Variants in JCHAIN observed in about 807,000 individuals in gnomAD.
JCHAIN encodes the protein joining chain of multimeric IgA and IgM, also known as immunoglobulin J chain.
JCHAIN carries 5 observed loss-of-function variants against 11.1 expected under a neutral mutation model. The ratio of observed to expected loss-of-function variants is 0.45; its 90% CI spans 0.24 to 0.95. JCHAIN has a LOEUF of 0.95. JCHAIN is among the 40% of genes least tolerant of loss of function. The probability of loss-of-function intolerance (pLI) is 0.21; values close to 1 mark genes in which losing one functional copy is unlikely to be tolerated. For synonymous variants in JCHAIN, 51 were observed against 67.8 expected (o/e 0.75, Z 1.22); for missense variants, 165 against 192.7 (o/e 0.86, Z 0.85).
intron 2 of JCHAIN, among the ~76,000 whole-genome samples, chr4:70,659,198 A>G (rs1452091848): frequency 6.6e-6 from 1 of 152,178 alleles, no homozygotes; most frequent in African/African-American, 2.4e-5. Flanking sequence ...GAAAAAGGCT[A>G]GTTAAGTAAC....
In JCHAIN at chr4:70,656,116, T is replaced by TA; in HGVS notation, c.*212dup. 1 of 517,016 alleles carries TA rather than the reference T, an allele frequency of 1.9e-6. No individual in the cohort carries two copies. The highest frequency in any genetic ancestry group is 3.4e-6 in the Non-Finnish European group (1 of 293,794). The allele number at this position is 517,016 out of a possible 1,614,324, so 32.0% of individuals were successfully genotyped here. On this transcript the variant is annotated 3_prime_UTR_variant, in exon 4 of 4. Coordinates refer to ENST00000254801, the MANE Select transcript of JCHAIN (RefSeq NM_144646.4). ...ATGATAATTGGAAGATTTTGATACT[T>TA]AGAGTATGAACATATAATTAAGAAG... is the stretch of plus-strand genomic sequence containing the variant.
Position 70,656,228 on chromosome 4 carries a change from A to T in JCHAIN, c.*101T>A. ...TTTACATCACCCAAAAAAAAAAAAA[A>T]GCCCTGGTTTCAAATTCATTGGTAA... On this transcript the variant is annotated 3_prime_UTR_variant, in exon 4 of 4. Coordinates refer to ENST00000254801, the MANE Select transcript of JCHAIN (RefSeq NM_144646.4). The T allele has an allele frequency of 2.6e-6, 2 of 780,672 alleles. No homozygotes were observed. The highest frequency in any genetic ancestry group is 1.9e-5 in the South Asian group (1 of 52,134). The allele number at this position is 780,672 out of a possible 1,614,324, so 48.4% of individuals were successfully genotyped here.
chr4:70,658,234 C>T (rs1738992998), intron 2 of JCHAIN, among the ~76,000 whole-genome samples: 1 of 152,158 alleles, frequency 6.6e-6, no homozygotes, highest in South Asian at 2.1e-4. Flanking sequence ...CACCACTATC[C>T]TCTCCTAGAT....
Position 70,662,017 on chromosome 4 carries a change from C to CAA in JCHAIN, c.188+74_188+75insTT, listed in dbSNP as rs1467296050. The CAA allele has an allele frequency of 4.2e-6, 6 of 1,414,114 alleles. No individual in the cohort carries two copies. In the African/African-American group the frequency reaches 8.5e-5, roughly 20 times the overall value. 87.6% of individuals were successfully genotyped at this position (1,414,114 alleles called of 1,614,324 possible). On this transcript the variant is annotated intron_variant, in intron 2 of 3. Transcript: ENST00000254801. ...AAGGGGAGTAAAGAGGCAGGTGTTA[C>CAA]ATTCAAACAATGCTCAGTGTCAGAA...
chr4:70,663,354 C>A, intron 1 of JCHAIN: 1 of 151,662 alleles, frequency 6.6e-6, no homozygotes, highest in East Asian at 2.0e-4. Flanking sequence ...TCACACCTGG[C>A]TAGATCTTTG....
At chr4:70,656,743 T>C (rs1738956775) in intron 3 of JCHAIN, among the ~76,000 whole-genome samples, 1 of 152,166 alleles carries the variant, frequency 6.6e-6, no homozygotes, top group African/African-American at 2.4e-5. Flanking sequence ...AAGTAAGCAA[T>C]ATAATTAATG....
intron 2 of JCHAIN, among the ~76,000 whole-genome samples, chr4:70,658,822 A>G (rs73824831): frequency 1.3e-4 from 20 of 152,342 alleles, no homozygotes; most frequent in African/African-American, 4.6e-4. Flanking sequence ...CAGTACTCCT[A>G]TAACAACCCA....
intron 3 of JCHAIN, 146 bp downstream of exon 3, chr4:70,657,065 T>C (rs1404216438): frequency 1.1e-5 from 5 of 456,494 alleles, no homozygotes; most frequent in African/African-American, 7.8e-5. Context: ...ATAATTAACA[T>C]AGGAATTAAT....
intron 2 of JCHAIN, 27 bp downstream of exon 2, chr4:70,662,065 A>T: frequency 6.2e-7 from 1 of 1,610,808 alleles, no homozygotes; most frequent in Non-Finnish European, 8.5e-7. Context: ...TAGAACAGGA[A>T]AAAAAGGAAT....
rs755812286 is a variant in JCHAIN, at chr4:70,656,497, C to A, written c.312G>T (p.Gln104His). The A allele has an allele frequency of 3.1e-6, 5 of 1,613,724 alleles. No homozygotes were observed. Among genetic ancestry groups the A allele is most frequent in the Non-Finnish European group, 4.2e-6 (5 of 1,179,854 alleles). ...TATTGCTCTGGGTAGCAGTAACTAT[C>A]TGATTATCCAGCTCCACTTCTGTAG... ...CDPTEVELDN[Q>H]IVTATQSNIC... Residue 104 changes from glutamine to histidine, a missense_variant, in exon 4 of 4, where the codon CAG (glutamine) becomes CAT (histidine). Coordinates refer to ENST00000254801, the MANE Select transcript of JCHAIN (RefSeq NM_144646.4).
Position 70,656,361 on chromosome 4 carries a change from C to T in JCHAIN, c.448G>A (p.Ala150Thr), listed in dbSNP as rs1738950758. The stretch of plus-strand genomic sequence containing the variant: ...GGATAGCAGGCATCTGGGGTTAAGG[C>T]TGTTTCCACCATTTTGGTCTCACCA... ...YGGETKMVET[A>T]LTPDACYPD The change falls in exon 4 of 4, where the codon GCC becomes ACC. Residue 150 changes from alanine (A) to threonine (T), a missense_variant. Transcript: ENST00000254801. 1 of 1,613,980 alleles carries T rather than the reference C, an allele frequency of 6.2e-7. No homozygotes were observed. Among genetic ancestry groups the T allele is most frequent in the Non-Finnish European group, 8.5e-7 (1 of 1,179,874 alleles).
chr4:70,665,249 T>C (rs1398445155), intron 1 of JCHAIN, among the ~76,000 whole-genome samples: 2 of 152,208 alleles, frequency 1.3e-5, no homozygotes, highest in Non-Finnish European at 2.9e-5. Flanking sequence ...GCTTGCTGTA[T>C]GACTTTGGTA....
chr4:70,656,134 T>C lies in JCHAIN; in HGVS notation c.*195A>G. The C allele has an allele frequency of 1.7e-6, 1 of 575,074 alleles. No homozygotes were observed. Among genetic ancestry groups the C allele is most frequent in the South Asian group, 2.3e-5 (1 of 44,136 alleles). 35.6% of individuals were successfully genotyped at this position (575,074 alleles called of 1,614,324 possible). A position where few individuals can be genotyped will look rare whatever the true frequency, so the allele number is the denominator to read the frequency against. Reference sequence around the variant, plus strand: ...TGATACTTAGAGTATGAACATATAATTAAGAAGTGATTACCTAATAAAGAT... The same window carrying C: ...TGATACTTAGAGTATGAACATATAACTAAGAAGTGATTACCTAATAAAGAT... On this transcript the variant is annotated 3_prime_UTR_variant, in exon 4 of 4. Transcript: ENST00000254801.
At chr4:70,663,095 AT>A (rs1739092422) in intron 1 of JCHAIN, among the ~76,000 whole-genome samples, 1 of 152,182 alleles carries the variant, frequency 6.6e-6, no homozygotes, top group Non-Finnish European at 1.5e-5. Flanking sequence ...AGAAAAAAAA[AT>A]GAATAAATGA....
intron 2 of JCHAIN, among the ~76,000 whole-genome samples, chr4:70,659,043 G>C (rs915727648): frequency 2.0e-5 from 3 of 152,128 alleles, no homozygotes; most frequent in African/African-American, 7.2e-5. Flanking sequence ...AGACTGTAAA[G>C]ACTCTAGTAA....
rs774719114 is a variant in JCHAIN, at chr4:70,657,248, G to T, written c.232C>A (p.Pro78Thr). The T allele has an allele frequency of 2.5e-6, 4 of 1,605,854 alleles. No homozygotes were observed. The Admixed American group carries it at 6.7e-5, about 27-fold the overall frequency. ...TGGTACACAAATCTGGTTCTCAATG[G>T]TGAGGTGGGATCAGAGATATTCTCC... ...NRENISDPTS[P>T]LRTRFVYHLS... The change falls in exon 3 of 4, where the codon CCA becomes ACA. Residue 78 changes from proline (P) to threonine (T), a missense_variant. Pro to Thr is a conservative substitution (Grantham distance 38). Transcript: ENST00000254801.
Position 70,655,860 on chromosome 4 carries a change from A to G in JCHAIN, c.*469T>C, listed in dbSNP as rs1454422765. 6.6e-6 allele frequency: 1 copy of G among 152,010 alleles called. No homozygotes were observed. Among genetic ancestry groups the G allele is most frequent in the African/African-American group, 2.4e-5 (1 of 41,286 alleles). The allele number at this position is 152,010 out of a possible 1,614,324, so 9.4% of individuals were successfully genotyped here. On this transcript the variant is annotated 3_prime_UTR_variant, in exon 4 of 4. Transcript: ENST00000254801. ...ACATATAATTGACCTATGTTTATGC[A>G]TATATGTTCTCTACACAGTGAAACT...
Position 70,655,734 on chromosome 4 carries a change from C to T in JCHAIN, c.*595G>A, listed in dbSNP as rs1038174759. On this transcript the variant is annotated 3_prime_UTR_variant, in exon 4 of 4. Transcript: ENST00000254801. The stretch of plus-strand genomic sequence containing the variant: ...TATGTCCAAATATATTTTAATTATG[C>T]ATTTATTTTGCTACTTTTATAAATA... 6.6e-6 allele frequency: 1 copy of T among 152,080 alleles called. No homozygotes were observed. The highest frequency in any genetic ancestry group is 2.4e-5 in the African/African-American group (1 of 41,426). 9.4% of individuals were successfully genotyped at this position (152,080 alleles called of 1,614,324 possible). A position where few individuals can be genotyped will look rare whatever the true frequency, so the allele number is the denominator to read the frequency against.
intron 1 of JCHAIN, 28 bp downstream of exon 1, chr4:70,666,399 C>T: frequency 6.6e-7 from 1 of 1,523,508 alleles, no homozygotes; most frequent in African/African-American, 1.4e-5. Flanking sequence ...TTCCTTTGAT[C>T]TGGGATCATT....
Sources: allele counts gnomAD v4.1 joint callset (sites outside exome capture counted in the v4.1 genomes callset), GRCh38; gene constraint gnomAD v4.1.1; transcripts MANE v1.5; gene names NCBI Gene and HGNC (gene_info 2026-07-23, HGNC 2026-07-21).